The following ARHGAP39 variants were observed in gnomAD, a reference collection of about 807,000 sequenced individuals.
ARHGAP39 encodes Rho GTPase activating protein 39.
ARHGAP39 carries 44 observed loss-of-function variants against 106.9 expected under a neutral mutation model. The ratio of observed to expected loss-of-function variants is 0.41; its 90% confidence interval spans 0.32 to 0.53. ARHGAP39 has a LOEUF of 0.53. ARHGAP39 is among the 20% of genes least tolerant of loss of function. ARHGAP39 has a pLI of 0.21. For synonymous variants in ARHGAP39, 768 were observed against 693.2 expected, an observed-to-expected ratio of 1.11 and a Z score of -1.69; for missense variants, 1,496 against 1,577.3, an observed-to-expected ratio of 0.95 and a Z score of 0.87.
intron 3 of ARHGAP39, among the ~76,000 whole-genome samples, chr8:144,556,990 A>C (rs936451902): frequency 7.0e-6 from 1 of 143,612 alleles, no homozygotes; most frequent in African/African-American, 2.8e-5. Context: ...CCTTCATAGT[A>C]TTCAGAGGCA....
At chr8:144,643,385 A>G (rs1043823683) in intron 1 of ARHGAP39, among the ~76,000 whole-genome samples, 45 of 152,158 alleles carry the variant, frequency 3.0e-4, no homozygotes, top group African/African-American at 1.1e-3. Flanking sequence ...CCCGGGAGGC[A>G]GAGGTTGCAG....
rs1822540904 is a variant in ARHGAP39 at position 144,684,996 on chromosome 8, T to C, written c.-82+690A>G. Reference sequence around the variant, plus strand: ...GGGCACCAGACCCGACCGGCGGGCATCCACCTTGTCCCCACTCCGACGGCG... The same window carrying C: ...GGGCACCAGACCCGACCGGCGGGCACCCACCTTGTCCCCACTCCGACGGCG... On this transcript the variant is annotated intron_variant, in intron 1 of 11. Transcript: ENST00000377307. This position sits in a 1 kb window ranked among gnomAD's most constrained non-coding sequence, Gnocchi z 4.4. Among the ~76,000 whole-genome samples, 1 of 152,046 alleles carries C rather than the reference T, an allele frequency of 6.6e-6. No homozygotes were observed. The highest frequency in any genetic ancestry group is 2.4e-5 in the African/African-American group (1 of 41,408).
At position 144,646,322 on chromosome 8, in the gene ARHGAP39, A is replaced by G. The variant is rs548742366; in HGVS notation, c.-82+39364T>C. ...CGCCTGTGTTGTTTCATCGGCAATAAAAGTGGTACTGGGAGTTGGCAGGAA... is the reference window on the plus strand; with the variant it reads ...CGCCTGTGTTGTTTCATCGGCAATAGAAGTGGTACTGGGAGTTGGCAGGAA... On this transcript the variant is annotated intron_variant, in intron 1 of 11. Transcript: ENST00000377307. The surrounding 1 kb of genome is among the most constrained non-coding windows in gnomAD (Gnocchi z 5.7). Among the ~76,000 whole-genome samples the G allele has an allele frequency of 1.1e-4, 16 of 152,318 alleles. No homozygotes were observed. The East Asian group carries it at 2.1e-3, about 20-fold the overall frequency.
At chr8:144,693,474 T>C in the ARHGAP39 span, among the ~76,000 whole-genome samples, 1 of 150,386 alleles carries the variant, frequency 6.6e-6, no homozygotes, top group African/African-American at 2.4e-5. Context: ...CCCGGGTTCA[T>C]GCCATTCTCC....
chr8:144,660,005 G>A (rs1821784521), intron 1 of ARHGAP39, among the ~76,000 whole-genome samples: 2 of 152,144 alleles, frequency 1.3e-5, no homozygotes, highest in Admixed American at 1.3e-4. Flanking sequence ...CTTGGGTGGT[G>A]TTCCCTCACC....
chr8:144,617,493 G>A (rs1820668783), intron 1 of ARHGAP39, among the ~76,000 whole-genome samples: 1 of 151,940 alleles, frequency 6.6e-6, no homozygotes, highest in African/African-American at 2.4e-5. Flanking sequence ...CCGCAAACCA[G>A]GAGACCCCTC....
intron 3 of ARHGAP39, among the ~76,000 whole-genome samples, chr8:144,570,083 T>G (rs1156586487): frequency 6.6e-6 from 1 of 152,030 alleles, no homozygotes; most frequent in African/African-American, 2.4e-5. Flanking sequence ...TAACCAGGCG[T>G]GGTGGCTCAT....
chr8:144,621,247 G>A (rs926149651), intron 1 of ARHGAP39, among the ~76,000 whole-genome samples: 8 of 152,278 alleles, frequency 5.3e-5, no homozygotes, highest in Non-Finnish European at 1.2e-4. Flanking sequence ...GCCAGCACAA[G>A]CTGCATCCTG....
chr8:144,599,373 A>C (rs1291793346), intron 2 of ARHGAP39, among the ~76,000 whole-genome samples: 1 of 152,224 alleles, frequency 6.6e-6, no homozygotes, highest in Non-Finnish European at 1.5e-5. Flanking sequence ...GGGATGTTTT[A>C]AGTGGAAAAA....
chr8:144,681,991 G>T (rs573794328), intron 1 of ARHGAP39, among the ~76,000 whole-genome samples: 1 of 152,184 alleles, frequency 6.6e-6, no homozygotes, highest in Non-Finnish European at 1.5e-5. Flanking sequence ...CTTCTCGGCC[G>T]GGTGCGGTGG....
chr8:144,624,557 C>T (rs1311609423), intron 1 of ARHGAP39, among the ~76,000 whole-genome samples: 75 of 151,300 alleles, frequency 5.0e-4, no homozygotes, highest in African/African-American at 1.7e-3. Context: ...TCCCCCGTCC[C>T]GGCGGCCCGG....
At chr8:144,580,787 C>T in intron 3 of ARHGAP39, 59 bp downstream of exon 3, 3 of 1,318,270 alleles carry the variant, frequency 2.3e-6, no homozygotes, top group Non-Finnish European at 3.0e-6. Flanking sequence ...ACCTGCCTCA[C>T]CTGGCCCCGC....
chr8:144,532,978 A>G, intron 9 of ARHGAP39, 148 bp downstream of exon 9: 1 of 998,434 alleles, frequency 1.0e-6, no homozygotes, highest in Non-Finnish European at 1.4e-6. Context: ...CAGCTTCCAC[A>G]CTGTGGCCCC....
intron 7 of ARHGAP39, 86 bp from the exon 8 acceptor site, chr8:144,534,288 G>A: frequency 6.8e-7 from 1 of 1,471,638 alleles, no homozygotes; most frequent in East Asian, 2.3e-5. Flanking sequence ...GCTCCTTCGA[G>A]GGCCCTGGGG....
At chr8:144,608,366 C>T (rs1160934707) in intron 1 of ARHGAP39, among the ~76,000 whole-genome samples, 3 of 152,122 alleles carry the variant, frequency 2.0e-5, no homozygotes, top group Non-Finnish European at 2.9e-5. Context: ...CCCCTATGCA[C>T]CTGCTTTCCA....
chr8:144,605,320 G>A (rs1431252644), intron 2 of ARHGAP39, among the ~76,000 whole-genome samples: 1 of 152,192 alleles, frequency 6.6e-6, no homozygotes, highest in East Asian at 1.9e-4. Flanking sequence ...GAAAAACGAC[G>A]AATCATGGCG....
chr8:144,651,486 T>C (rs1485062380), intron 1 of ARHGAP39, among the ~76,000 whole-genome samples: 5 of 152,260 alleles, frequency 3.3e-5, no homozygotes, highest in Admixed American at 3.3e-4. Context: ...GTGAATCACC[T>C]GAGGTCGGGA....
rs903364644 is a variant in ARHGAP39, at chr8:144,641,716, C to A, written c.-81-36021G>T. 6.6e-6 allele frequency among the ~76,000 whole-genome samples: 1 copy of A among 152,244 alleles called. No homozygotes were observed. The highest frequency in any genetic ancestry group is 2.4e-5 in the African/African-American group (1 of 41,476). ...GGAGCTCGGGAAGAAGAAACGCAGA[C>A]CCAGGATGCACCCAAGCTCCTGCCA... On this transcript the variant is annotated intron_variant, in intron 1 of 11. Transcript: ENST00000377307. This position sits in a 1 kb window ranked among gnomAD's most constrained non-coding sequence, Gnocchi z 5.2.
chr8:144,577,414 G>A (rs1818816693), intron 3 of ARHGAP39, among the ~76,000 whole-genome samples: 1 of 152,170 alleles, frequency 6.6e-6, no homozygotes, highest in Admixed American at 6.5e-5. Flanking sequence ...GGGAACACAA[G>A]GAGTATCAAG....
Sources: allele counts gnomAD v4.1 joint callset (sites outside exome capture counted in the v4.1 genomes callset), GRCh38; gene constraint gnomAD v4.1.1; non-coding constraint Gnocchi (gnomAD v3.1); transcripts MANE v1.5; gene names NCBI Gene and HGNC (gene_info 2026-07-23, HGNC 2026-07-21).